Variants in ODAD3 observed in about 807,000 individuals in gnomAD.
The protein encoded by ODAD3 is outer dynein arm-docking complex subunit 3.
Under a neutral mutation model 70.9 loss-of-function variants are expected in ODAD3, and 57 were observed. That is an observed-to-expected ratio of 0.80 (90% confidence interval 0.65 to 1.00). ODAD3 has a LOEUF of 1.00. Ranked by LOEUF, ODAD3 falls within the 50% of genes least tolerant of loss-of-function variation. ODAD3 has a pLI of 0.00. For synonymous variants in ODAD3, 327 were observed against 315.9 expected, an observed-to-expected ratio of 1.04 and a Z score of -0.37; for missense variants, 797 against 763.9, an observed-to-expected ratio of 1.04 and a Z score of -0.51.
Position 11,422,647 on chromosome 19 carries a change from C to T in ODAD3, c.1278-20G>A. On this transcript the variant is annotated intron_variant, in intron 9 of 12. Transcript: ENST00000356392. The surrounding 1 kb of genome is among the most constrained non-coding windows in gnomAD (Gnocchi z 4.6). ...TGCTGGCTGCAGGGAGCCGGGAGGT[C>T]ACCCCGGGGGCTCAGCCCGCCCCGC... 6.2e-7 allele frequency: 1 copy of T among 1,604,530 alleles called. No homozygotes were observed. The highest frequency in any genetic ancestry group is 8.5e-7 in the Non-Finnish European group (1 of 1,176,644).
At chr19:11,424,111 G>A in intron 7 of ODAD3, 82 bp from the exon 8 acceptor site, 1 of 1,506,678 alleles carries the variant, frequency 6.6e-7, no homozygotes. Context: ...ATCCAGATAG[G>A]GGCCCGCGAG....
chr19:11,435,707 G>T (rs112619913), upstream of ODAD3: 1 of 1,321,702 alleles, frequency 7.6e-7, no homozygotes, highest in South Asian at 1.2e-5. Flanking sequence ...CCGGCCTCGT[G>T]TAGGTGTGAA....
Position 11,425,101 on chromosome 19 carries a change from A to ATGTGTATATGTACATATG in ODAD3, c.963+1042_963+1043insCATATGTACATATACACA, listed in dbSNP as rs1379616989. On this transcript the variant is annotated intron_variant, in intron 7 of 12. Transcript: ENST00000356392. Reference sequence around the variant, plus strand: ...TGTGTATATGTACATATGTGTATATATGTATATATGTGTATATGTACATAT... The same window carrying ATGTGTATATGTACATATG: ...TGTGTATATGTACATATGTGTATATATGTGTATATGTACATATGTGTATATATGTGTATATGTACATAT... Among the ~76,000 whole-genome samples the ATGTGTATATGTACATATG allele has an allele frequency of 1.5e-5, 2 of 133,268 alleles. 1 individual carries two copies. The allele number at this position is 133,268 out of a possible 152,430, so 87.4% of individuals were successfully genotyped here.
At position 11,425,328 on chromosome 19, in the gene ODAD3, C is replaced by T. The variant is rs1175146725; in HGVS notation, c.963+816G>A. 1.0e-4 allele frequency among the ~76,000 whole-genome samples: 12 copies of T among 114,470 alleles called. 1 individual carries two copies. The highest frequency in any genetic ancestry group is 8.4e-4 in the East Asian group (3 of 3,564). 75.1% of individuals were successfully genotyped at this position (114,470 alleles called of 152,430 possible). A position where few individuals can be genotyped will look rare whatever the true frequency, so the allele number is the denominator to read the frequency against. ...GTATGTGTACATATGTGTATATGTA[C>T]ATATGTGTATATATGTATATATGTG... On this transcript the variant is annotated intron_variant, in intron 7 of 12. Transcript: ENST00000356392.
chr19:11,426,007 G>T, intron 7 of ODAD3, 137 bp downstream of exon 7: 1 of 1,193,906 alleles, frequency 8.4e-7, no homozygotes, highest in East Asian at 2.6e-5. Context: ...GCACCAAGTG[G>T]GGGTGGAGTC....
Position 11,434,950 on chromosome 19 carries a change from G to A in ODAD3, c.67C>T (p.Pro23Ser), listed in dbSNP as rs760429147. 1.2e-6 allele frequency: 2 copies of A among 1,613,902 alleles called. No individual in the cohort carries two copies. Among genetic ancestry groups the A allele is most frequent in the Admixed American group, 3.3e-5 (2 of 60,032 alleles). Residue 23 changes from proline (P) to serine (S), a missense_variant, in exon 1 of 13, where the codon CCC (proline) becomes TCC (serine). By Grantham distance (74) the Pro-to-Ser change is moderately conservative. Coordinates refer to ENST00000356392, the MANE Select transcript of ODAD3 (RefSeq NM_145045.5). ...TCCCTGCCCTTGACCCTGGAAGAGG[G>A]CGTCGAAGCCTGGTCCTGAGGAGGC... ...ALPPQDQASTPSSRVKGREAS... is the reference protein window; with the variant it reads ...ALPPQDQASTSSSRVKGREAS...
At chr19:11,426,102 G>A in intron 7 of ODAD3, 42 bp downstream of exon 7, 1 of 1,590,472 alleles carries the variant, frequency 6.3e-7, no homozygotes, top group South Asian at 1.1e-5. Flanking sequence ...TTTGTGCTGG[G>A]CTGGGCTGGA....
chr19:11,430,305 G>A (rs1310178600), intron 3 of ODAD3, among the ~76,000 whole-genome samples: 4 of 151,798 alleles, frequency 2.6e-5, no homozygotes, highest in Admixed American at 2.0e-4. Flanking sequence ...GCCCAGCTAA[G>A]TTTTGTATTT....
In ODAD3 at chr19:11,428,824, C is replaced by T. The variant is rs370021749; in HGVS notation, c.445-1784G>A. Among the ~76,000 whole-genome samples the T allele has an allele frequency of 1.8e-4, 28 of 151,978 alleles. No homozygotes were observed. The East Asian group carries it at 2.7e-3, about 15-fold the overall frequency. ...TTGGCCTCCCAAAGTGCTGGTATTA[C>T]AAGGCATGAGCCACCATGCCTAGAC... On this transcript the variant is annotated intron_variant, in intron 3 of 12. Coordinates refer to ENST00000356392, the MANE Select transcript of ODAD3 (RefSeq NM_145045.5).
chr19:11,424,142 G>A (rs1400846944), intron 7 of ODAD3, 113 bp from the exon 8 acceptor site: 22 of 1,319,146 alleles, frequency 1.7e-5, no homozygotes, highest in Non-Finnish European at 2.1e-5. Flanking sequence ...CAAACTGGAG[G>A]GAAGGGAGAG....
At position 11,424,037 on chromosome 19, in the gene ODAD3, T is replaced by C. The variant is rs1464556748; in HGVS notation, c.964-8A>G. On this transcript the variant is annotated splice_region_variant and splice_polypyrimidine_tract_variant and intron_variant, in intron 7 of 12. Coordinates refer to ENST00000356392, the MANE Select transcript of ODAD3 (RefSeq NM_145045.5). The stretch of plus-strand genomic sequence containing the variant: ...CAGGTGCTCGCGGTGGGTCTGCTCG[T>C]GGGTTGAGGTCAGAGCCAGGGTCAG... The C allele has an allele frequency of 1.9e-6, 3 of 1,603,798 alleles. No individual in the cohort carries two copies. The highest frequency in any genetic ancestry group is 3.3e-5 in the Admixed American group (2 of 59,840).
chr19:11,429,107 G>A (rs914366947), intron 3 of ODAD3, among the ~76,000 whole-genome samples: 11 of 151,744 alleles, frequency 7.2e-5, no homozygotes, highest in African/African-American at 2.2e-4. Flanking sequence ...TCAAACGCCC[G>A]ACCTCAGGTG....
At position 11,425,706 on chromosome 19, in the gene ODAD3, A is replaced by T. The variant is rs1969354239; in HGVS notation, c.963+438T>A. Among the ~76,000 whole-genome samples the T allele has an allele frequency of 1.5e-5, 2 of 137,390 alleles. 1 individual carries two copies. The highest frequency in any genetic ancestry group is 6.9e-5 in the African/African-American group (2 of 28,906). 90.1% of individuals were successfully genotyped at this position (137,390 alleles called of 152,430 possible). A position where few individuals can be genotyped will look rare whatever the true frequency, so the allele number is the denominator to read the frequency against. ...CCTATCAAACAACAACTACAACAAC[A>T]ACAACCCAAAAAACAAAAAGGCAGG... is the stretch of plus-strand genomic sequence containing the variant. On this transcript the variant is annotated intron_variant, in intron 7 of 12. Coordinates refer to ENST00000356392, the MANE Select transcript of ODAD3 (RefSeq NM_145045.5).
intron 8 of ODAD3, 34 bp downstream of exon 8, chr19:11,423,843 G>GA: frequency 8.7e-7 from 1 of 1,151,512 alleles, no homozygotes; most frequent in Non-Finnish European, 1.2e-6. Flanking sequence ...GGTGGGGGGG[G>GA]GGCGCGGCGG....
intron 7 of ODAD3, among the ~76,000 whole-genome samples, chr19:11,425,009 A>ATG (rs1202398998): frequency 7.5e-6 from 1 of 133,026 alleles, no homozygotes; most frequent in East Asian, 2.2e-4. Flanking sequence ...ATATGTATAT[A>ATG]TGTGTATATA....
intron 1 of ODAD3, among the ~76,000 whole-genome samples, chr19:11,434,249 C>A: frequency 6.7e-6 from 1 of 148,962 alleles, no homozygotes; most frequent in Admixed American, 6.7e-5. Context: ...AACGCGGGTG[C>A]AGTGGCTCAC....
rs1210149500 is a variant in ODAD3 at position 11,425,499 on chromosome 19, GTA to G, written c.963+643_963+644del. On this transcript the variant is annotated intron_variant, in intron 7 of 12. Coordinates refer to ENST00000356392, the MANE Select transcript of ODAD3 (RefSeq NM_145045.5). ...TATATGTGTGTATATATGTATATATGTATATATGTGTGTATATATGTATATAT... is the reference window on the plus strand; with the variant it reads ...TATATGTGTGTATATATGTATATATGTATATGTGTGTATATATGTATATAT... Among the ~76,000 whole-genome samples, 72 of 139,890 alleles carry G rather than the reference GTA, an allele frequency of 5.1e-4. 1 individual carries two copies. In the East Asian group the frequency reaches 6.2e-3, roughly 12 times the overall value. 91.8% of individuals were successfully genotyped at this position (139,890 alleles called of 152,430 possible). A position where few individuals can be genotyped will look rare whatever the true frequency, so the allele number is the denominator to read the frequency against.
intron 7 of ODAD3, 129 bp from the exon 8 acceptor site, chr19:11,424,158 A>C: frequency 8.3e-7 from 1 of 1,210,778 alleles, no homozygotes; most frequent in Non-Finnish European, 1.2e-6. Flanking sequence ...GAGAGGGCAA[A>C]AGCTTGGGGC....
At chr19:11,424,090 C>A (rs751315764) in intron 7 of ODAD3, 61 bp from the exon 8 acceptor site, 35 of 1,558,402 alleles carry the variant, frequency 2.2e-5, no homozygotes, top group Non-Finnish European at 3.0e-5. Flanking sequence ...GGAAGGAGGC[C>A]GGGGAGGGGG....
Sources: allele counts gnomAD v4.1 joint callset (sites outside exome capture counted in the v4.1 genomes callset), GRCh38; gene constraint gnomAD v4.1.1; non-coding constraint Gnocchi (gnomAD v3.1); transcripts MANE v1.5; gene names NCBI Gene and HGNC (gene_info 2026-07-23, HGNC 2026-07-21).